Variants in SKIC8 observed in about 807,000 individuals in gnomAD.
The protein encoded by SKIC8 is superkiller complex protein 8.
chr15:78,288,163 G>A, the SKIC8 span: 1 of 920,454 alleles, frequency 1.1e-6, no homozygotes, highest in Non-Finnish European at 1.6e-6. Context: ...GACCGCCTGG[G>A]GAGTCAAGGT....
chr15:78,294,729 C>A, the SKIC8 span: 1 of 560,520 alleles, frequency 1.8e-6, no homozygotes, highest in East Asian at 3.0e-5. Flanking sequence ...CCCAACCTAT[C>A]ATGATGACTG....
At chr15:78,283,655 A>G in the SKIC8 span, 1 of 657,736 alleles carries the variant, frequency 1.5e-6, no homozygotes. Flanking sequence ...TTTCTAAATC[A>G]GTGAGAATGG....
the SKIC8 span, among the ~76,000 whole-genome samples, chr15:78,297,860 T>G: frequency 6.6e-6 from 1 of 152,194 alleles, no homozygotes; most frequent in Admixed American, 6.5e-5. Context: ...TAACAGGAAA[T>G]CAAACAAACA....
At chr15:78,293,308 T>C in the SKIC8 span, 1 of 1,567,604 alleles carries the variant, frequency 6.4e-7, no homozygotes, top group Non-Finnish European at 8.8e-7. Context: ...AAAGTCTTCT[T>C]GCATACGACT....
the SKIC8 span, chr15:78,292,886 C>A: frequency 7.5e-7 from 1 of 1,336,614 alleles, no homozygotes; most frequent in South Asian, 1.4e-5. Context: ...TACCAATGGT[C>A]TATGAAATAC....
the SKIC8 span, chr15:78,289,923 A>G: frequency 6.2e-7 from 1 of 1,606,742 alleles, no homozygotes; most frequent in South Asian, 1.1e-5. Flanking sequence ...AAGAATCAGA[A>G]GGAGAACAGA....
At chr15:78,290,058 G>A in the SKIC8 span, 2 of 1,614,106 alleles carry the variant, frequency 1.2e-6, no homozygotes, top group Non-Finnish European at 1.7e-6. Context: ...CCTGTGGCCA[G>A]ATACTGGGAA....
chr15:78,283,610 A>T, the SKIC8 span: 3 of 1,033,900 alleles, frequency 2.9e-6, no homozygotes, highest in African/African-American at 1.6e-5. Flanking sequence ...CGTTATTCTG[A>T]ATCTACCAAA....
chr15:78,292,939 G>T, the SKIC8 span: 1 of 1,026,096 alleles, frequency 9.7e-7, no homozygotes, highest in Non-Finnish European at 1.4e-6. Flanking sequence ...ACCAAATGCT[G>T]CCAGGTTTTA....
the SKIC8 span, chr15:78,289,596 CAA>C: frequency 2.6e-6 from 4 of 1,562,466 alleles, no homozygotes; most frequent in Non-Finnish European, 8.8e-7. Flanking sequence ...CCCAGTTTGT[CAA>C]AATAAGATGA....
chr15:78,289,408 A>C, the SKIC8 span, among the ~76,000 whole-genome samples: 1 of 151,246 alleles, frequency 6.6e-6, no homozygotes, highest in African/African-American at 2.4e-5. Context: ...CCCTGTCTCT[A>C]AAAGAAAACA....
the SKIC8 span, chr15:78,292,966 A>G: frequency 3.8e-6 from 3 of 786,844 alleles, no homozygotes; most frequent in Admixed American, 6.5e-5. Flanking sequence ...GGACTTTAAG[A>G]TTTTTTTTTT....
chr15:78,288,136 G>C, the SKIC8 span, among the ~76,000 whole-genome samples: 1 of 152,162 alleles, frequency 6.6e-6, no homozygotes, highest in Admixed American at 6.5e-5. Flanking sequence ...ACTAAAAATG[G>C]GCGCTGAACG....
At chr15:78,295,027 C>T in the SKIC8 span, 14 of 1,609,338 alleles carry the variant, frequency 8.7e-6, no homozygotes, top group African/African-American at 9.3e-5. Context: ...AGATGTCTCA[C>T]ATTGCCTCCA....
At chr15:78,294,130 T>G in the SKIC8 span, among the ~76,000 whole-genome samples, 1 of 152,240 alleles carries the variant, frequency 6.6e-6, no homozygotes, top group Admixed American at 6.5e-5. Context: ...GCCTGCTAAC[T>G]TGCCACCTGG....
chr15:78,285,693 T>TTGG, the SKIC8 span: 5 of 443,804 alleles, frequency 1.1e-5, no homozygotes, highest in Non-Finnish European at 2.0e-5. Context: ...TCCAACTGTC[T>TTGG]TGGCCATCCC....
the SKIC8 span, chr15:78,294,688 A>G: frequency 2.4e-6 from 1 of 424,890 alleles, no homozygotes; most frequent in South Asian, 3.8e-5. Context: ...TGTCTTCCTC[A>G]GGTGGAAAAA....
the SKIC8 span, chr15:78,286,932 C>G: frequency 6.6e-6 from 1 of 152,206 alleles, no homozygotes; most frequent in African/African-American, 2.4e-5. Flanking sequence ...TGAAACTATT[C>G]TGCGTGACAC....
At chr15:78,295,449 T>C in the SKIC8 span, 6 of 621,510 alleles carry the variant, frequency 9.7e-6, no homozygotes, top group Non-Finnish European at 1.8e-5. Flanking sequence ...CTTCTATTAC[T>C]CACTAAATTG....
Sources: allele counts gnomAD v4.1 joint callset (sites outside exome capture counted in the v4.1 genomes callset), GRCh38; gene constraint gnomAD v4.1.1; transcripts MANE v1.5; gene names NCBI Gene and HGNC (gene_info 2026-07-23, HGNC 2026-07-21).